The following SYNJ1 variants were observed in gnomAD, a reference collection of about 807,000 sequenced individuals.
SYNJ1 encodes polyphosphatidylinositol phosphatase SYNJ1.
In SYNJ1, 78 loss-of-function variants were observed where a neutral mutation model predicts 168.2. That is an observed-to-expected ratio of 0.46 (90% CI 0.39 to 0.56). The LOEUF (loss-of-function observed/expected upper bound fraction) is 0.56. SYNJ1 is among the 20% of genes least tolerant of loss of function. SYNJ1 has a pLI of 0.00. For synonymous variants in SYNJ1, 539 were observed against 548.6 expected, an observed-to-expected ratio of 0.98 and a Z score of 0.24; for missense variants, 1,303 against 1,597.6, an observed-to-expected ratio of 0.82 and a Z score of 3.14.
intron 2 of SYNJ1, among the ~76,000 whole-genome samples, chr21:32,706,144 A>G (rs2042599765): frequency 6.6e-6 from 1 of 152,238 alleles, no homozygotes; most frequent in Non-Finnish European, 1.5e-5. Context: ...ACAGACCCAA[A>G]GTGAGGGAGA....
In SYNJ1 at chr21:32,631,622, A is replaced by G; in HGVS notation, c.*183T>C. ...GCATGCAACTTACAGAACTCAAAAC[A>G]TTACTTTGCGTTGCAGAAGGCAACT... On this transcript the variant is annotated 3_prime_UTR_variant, in exon 33 of 33. Transcript: ENST00000674351. The G allele has an allele frequency of 6.2e-7, 1 of 1,614,214 alleles. No homozygotes were observed. Among genetic ancestry groups the G allele is most frequent in the Non-Finnish European group, 8.5e-7 (1 of 1,180,034 alleles).
chr21:32,656,196 C>T (rs1362464533), intron 21 of SYNJ1, among the ~76,000 whole-genome samples: 2 of 152,206 alleles, frequency 1.3e-5, no homozygotes, highest in African/African-American at 2.4e-5. Context: ...CTTTGTGGGG[C>T]TGAGCTGGGC....
At chr21:32,676,418 T>C in intron 12 of SYNJ1, 63 bp from the exon 13 acceptor site, 1 of 1,503,758 alleles carries the variant, frequency 6.7e-7, no homozygotes, top group Non-Finnish European at 9.1e-7. Flanking sequence ...ATTAAAATGT[T>C]GAGTATAGTG....
chr21:32,657,742 C>T lies in SYNJ1; in HGVS notation c.2435G>A (p.Arg812Lys), dbSNP rs769587828. The change falls in exon 19 of 33, where the codon AGG (arginine) becomes AAG (lysine). Residue 812 changes from arginine to lysine, a missense_variant. Transcript: ENST00000674351. ...TGATCTATCAAAAGGCCATTTCCTC[C>T]TTCTCCAAAGGACACGGTCTGTCCA... ...PAWTDRVLWR[R>K]RKWPFDRSAE... The T allele has an allele frequency of 6.2e-7, 1 of 1,606,364 alleles. No individual in the cohort carries two copies. Among genetic ancestry groups the T allele is most frequent in the Non-Finnish European group, 8.5e-7 (1 of 1,177,804 alleles).
intron 18 of SYNJ1, among the ~76,000 whole-genome samples, chr21:32,663,828 GTC>G (rs1388432700): frequency 1.3e-5 from 2 of 152,220 alleles, no homozygotes; most frequent in African/African-American, 4.8e-5. Flanking sequence ...CCTGGCAAGA[GTC>G]TCAGATGAGA....
chr21:32,708,881 G>C (rs2042713702), intron 2 of SYNJ1, among the ~76,000 whole-genome samples: 3 of 151,406 alleles, frequency 2.0e-5, no homozygotes, highest in Non-Finnish European at 2.9e-5. Context: ...CACTTTAAGA[G>C]GCCAAGCAAG....
chr21:32,629,553 A>G lies in SYNJ1; in HGVS notation c.*2252T>C, dbSNP rs1375901500. On this transcript the variant is annotated 3_prime_UTR_variant, in exon 33 of 33. Transcript: ENST00000674351. ...ACATTCTACATATTCGTAGCCATGAACGCTATTTTTTGATATTCCCTCAAT... is the reference window on the plus strand; with the variant it reads ...ACATTCTACATATTCGTAGCCATGAGCGCTATTTTTTGATATTCCCTCAAT... 6.6e-6 allele frequency: 1 copy of G among 152,658 alleles called. No homozygotes were observed. The highest frequency in any genetic ancestry group is 2.4e-5 in the African/African-American group (1 of 41,462). 9.5% of individuals were successfully genotyped at this position (152,658 alleles called of 1,614,324 possible).
intron 27 of SYNJ1, among the ~76,000 whole-genome samples, chr21:32,643,186 A>G (rs968658221): frequency 2.0e-5 from 3 of 152,174 alleles, no homozygotes; most frequent in African/African-American, 7.2e-5. Flanking sequence ...AAACAACATT[A>G]AGGATCTCAG....
chr21:32,649,700 T>C (rs2040202758), intron 23 of SYNJ1, among the ~76,000 whole-genome samples: 1 of 152,198 alleles, frequency 6.6e-6, no homozygotes, highest in Non-Finnish European at 1.5e-5. Flanking sequence ...GAATGGTAAA[T>C]ACATTTAAAG....
At position 32,676,217 on chromosome 21, in the gene SYNJ1, C is replaced by T; in HGVS notation, c.1534+115G>A. On this transcript the variant is annotated intron_variant, in intron 13 of 32. Transcript: ENST00000674351. ...AGATATCAATTTATCCTGTTAGGAT[C>T]TGATGGCAAAATGAGAAAGTTTCCA... The T allele has an allele frequency of 8.0e-6, 6 of 753,844 alleles. No individual in the cohort carries two copies. In the East Asian group the frequency reaches 8.9e-5, roughly 11 times the overall value. 46.7% of individuals were successfully genotyped at this position (753,844 alleles called of 1,614,324 possible). A position where few individuals can be genotyped will look rare whatever the true frequency, so the allele number is the denominator to read the frequency against.
chr21:32,646,614 C>CA lies in SYNJ1; in HGVS notation c.3038-13dup. 6.2e-7 allele frequency: 1 copy of CA among 1,605,422 alleles called. No individual in the cohort carries two copies. The highest frequency in any genetic ancestry group is 1.7e-5 in the Admixed American group (1 of 59,982). ...GTCATCAACATCACCTAAGGAAAAG[C>CA]AGGCTTGATCAGAGATAACTCCATT... On this transcript the variant is annotated splice_polypyrimidine_tract_variant and intron_variant, in intron 23 of 32. Transcript: ENST00000674351.
intron 2 of SYNJ1, among the ~76,000 whole-genome samples, chr21:32,703,228 A>G (rs1468950724): frequency 6.6e-6 from 1 of 152,208 alleles, no homozygotes; most frequent in Non-Finnish European, 1.5e-5. Context: ...ATTCTCTAAC[A>G]TGTTCATTAT....
intron 21 of SYNJ1, chr21:32,653,594 G>A: frequency 2.2e-6 from 1 of 452,162 alleles, no homozygotes. Flanking sequence ...CACAAGAAAT[G>A]AGTCTGTGCA....
rs376395608 is a variant in SYNJ1, at chr21:32,645,752, C to T, written c.3285G>A (p.Pro1095=). The T allele has an allele frequency of 6.8e-6, 10 of 1,463,482 alleles. No individual in the cohort carries two copies. In the Admixed American group the frequency reaches 2.4e-4, roughly 35 times the overall value. 90.7% of individuals were successfully genotyped at this position (1,463,482 alleles called of 1,614,324 possible). A position where few individuals can be genotyped will look rare whatever the true frequency, so the allele number is the denominator to read the frequency against. ...CCAAGGGCTGGGCGGGGTCTTTCTGCGGCAGCGGCGTTGCTGGCTGCGCGT... is the reference window on the plus strand; with the variant it reads ...CCAAGGGCTGGGCGGGGTCTTTCTGTGGCAGCGGCGTTGCTGGCTGCGCGT... ...PIDAQPATPL[P]QKDPAQPLEP... Residue 1095 remains proline (P), a synonymous_variant, in exon 25 of 33, where the codon CCG becomes CCA. Transcript: ENST00000674351.
At chr21:32,643,693 T>C (rs1432513707) in intron 26 of SYNJ1, among the ~76,000 whole-genome samples, 4 of 152,338 alleles carry the variant, frequency 2.6e-5, no homozygotes, top group African/African-American at 9.6e-5. Context: ...GTTTTCTTTT[T>C]ATGTATGCAA....
chr21:32,633,173 G>A (rs1439712024), intron 32 of SYNJ1, among the ~76,000 whole-genome samples: 1 of 152,090 alleles, frequency 6.6e-6, no homozygotes, highest in Non-Finnish European at 1.5e-5. Flanking sequence ...TTTCTATTTG[G>A]TTTATGAAGT....
Position 32,630,064 on chromosome 21 carries a change from AAG to A in SYNJ1, c.*1739_*1740del, listed in dbSNP as rs2039264017. ...AACGTATACTCGAACGTACGCAGAG[AAG>A]AGAGTACGGTTAGCTCTAATATTTC... On this transcript the variant is annotated 3_prime_UTR_variant, in exon 33 of 33. Transcript: ENST00000674351. 1.3e-5 allele frequency: 2 copies of A among 152,254 alleles called. No individual in the cohort carries two copies. The highest frequency in any genetic ancestry group is 4.8e-5 in the African/African-American group (2 of 41,460). 9.4% of individuals were successfully genotyped at this position (152,254 alleles called of 1,614,324 possible).
At chr21:32,663,748 C>A (rs541667934) in intron 18 of SYNJ1, among the ~76,000 whole-genome samples, 7 of 152,184 alleles carry the variant, frequency 4.6e-5, no homozygotes, top group African/African-American at 1.4e-4. Flanking sequence ...CATGCTCAAC[C>A]GAATCATACG....
intron 31 of SYNJ1, 81 bp downstream of exon 31, chr21:32,638,827 A>C: frequency 1.5e-6 from 2 of 1,321,508 alleles, no homozygotes; most frequent in Non-Finnish European, 2.0e-6. Context: ...TTCTTATAAC[A>C]GGCAATAATT....
Sources: gnomAD v4.1 joint callset for allele counts (sites outside exome capture counted in the v4.1 genomes callset) on GRCh38, gnomAD v4.1.1 for gene constraint, MANE v1.5 for transcripts, NCBI Gene and HGNC (gene_info 2026-07-23, HGNC 2026-07-21) for gene names.